LCORL: variants seen among roughly 807,000 people sequenced by gnomAD.
LCORL encodes ligand-dependent nuclear receptor corepressor-like protein.
Under a neutral mutation model 141.8 loss-of-function variants are expected in LCORL, and 41 were observed. The observed-to-expected ratio is 0.29, with a 90% CI of 0.23 to 0.38. The LOEUF (loss-of-function observed/expected upper bound fraction) is 0.38, where lower values mean the gene tolerates loss of function less well. LCORL is among the 10% of genes least tolerant of loss of function. The pLI is 1.00. For synonymous variants in LCORL, 618 were observed against 694.1 expected, an observed-to-expected ratio of 0.89 and a Z score of 1.72; for missense variants, 1,759 against 2,035.0, an observed-to-expected ratio of 0.86 and a Z score of 2.61.
intron 1 of LCORL, among the ~76,000 whole-genome samples, chr4:17,977,872 G>A (rs1358960667): frequency 6.6e-6 from 1 of 152,124 alleles, no homozygotes; most frequent in Non-Finnish European, 1.5e-5. Context: ...AAGTTATAGA[G>A]ATTTAAATTT....
At chr4:17,931,196 CCT>C (rs1491489460) in intron 4 of LCORL, among the ~76,000 whole-genome samples, 2 of 152,006 alleles carry the variant, frequency 1.3e-5, no homozygotes, top group South Asian at 2.1e-4. Flanking sequence ...TCTATTACCC[CCT>C]CTCCTCCTCC....
chr4:17,980,559 T>C (rs1331496271), intron 1 of LCORL, among the ~76,000 whole-genome samples: 1 of 152,258 alleles, frequency 6.6e-6, no homozygotes, highest in East Asian at 1.9e-4. Context: ...TTTTTACCTC[T>C]GATTTTCTAC....
intron 4 of LCORL, among the ~76,000 whole-genome samples, chr4:17,931,911 T>C (rs1456367034): frequency 6.6e-6 from 1 of 152,146 alleles, no homozygotes; most frequent in Non-Finnish European, 1.5e-5. Context: ...ATTCTGTGTA[T>C]TTGTCCTTCT....
At chr4:17,905,177 G>A (rs1731419675) in intron 5 of LCORL, among the ~76,000 whole-genome samples, 2 of 152,056 alleles carry the variant, frequency 1.3e-5, no homozygotes, top group South Asian at 2.1e-4. Context: ...TAAAACTGAT[G>A]ATAGTGTGCA....
rs1733100194 is a variant in LCORL at position 17,914,604 on chromosome 4, T to C, written c.431-5259A>G. On this transcript the variant is annotated intron_variant, in intron 4 of 7. Transcript: ENST00000635767. The stretch of plus-strand genomic sequence containing the variant: ...TGCTTCTCAGCTGCTGACTGGTTAG[T>C]CAGCCTCTTAAATCACTTGCACAAG... Among the ~76,000 whole-genome samples, 3 of 152,304 alleles carry C rather than the reference T, an allele frequency of 2.0e-5. No homozygotes were observed. In the South Asian group the frequency reaches 6.2e-4, roughly 32 times the overall value.
chr4:17,933,785 T>C (rs1736419119), intron 4 of LCORL, among the ~76,000 whole-genome samples: 1 of 152,116 alleles, frequency 6.6e-6, no homozygotes, highest in African/African-American at 2.4e-5. Flanking sequence ...TATACAGAGA[T>C]AATCTGGATG....
At chr4:17,933,183 G>A (rs1193123751) in intron 4 of LCORL, among the ~76,000 whole-genome samples, 1 of 152,046 alleles carries the variant, frequency 6.6e-6, no homozygotes, top group Admixed American at 6.5e-5. Flanking sequence ...GGTATGTAGT[G>A]AGCTATGTAG....
chr4:17,881,924 A>G, intron 6 of LCORL: 1 of 983,624 alleles, frequency 1.0e-6, no homozygotes, highest in Non-Finnish European at 1.2e-6. Flanking sequence ...CTTTAAAAAG[A>G]AAGATGACCC....
At chr4:17,917,763 C>T (rs1425335092) in intron 4 of LCORL, among the ~76,000 whole-genome samples, 2 of 152,134 alleles carry the variant, frequency 1.3e-5, no homozygotes, top group Non-Finnish European at 2.9e-5. Context: ...AGGCGGAATG[C>T]AACTTCATTA....
intron 5 of LCORL, among the ~76,000 whole-genome samples, chr4:17,886,923 A>G (rs1728351071): frequency 6.6e-6 from 1 of 152,202 alleles, no homozygotes; most frequent in East Asian, 1.9e-4. Context: ...CATGAATTTA[A>G]AACCCAGCAA....
At chr4:17,851,832 T>A (rs1723757818) in intron 7 of LCORL, among the ~76,000 whole-genome samples, 1 of 152,176 alleles carries the variant, frequency 6.6e-6, no homozygotes, top group Admixed American at 6.5e-5. Context: ...TAACCAATAA[T>A]GTATAATAAA....
chr4:17,941,998 T>C (rs1738057853), intron 4 of LCORL, among the ~76,000 whole-genome samples: 1 of 152,148 alleles, frequency 6.6e-6, no homozygotes, highest in African/African-American at 2.4e-5. Context: ...CTAGAGGCTA[T>C]TGTGGAGAAT....
intron 5 of LCORL, among the ~76,000 whole-genome samples, chr4:17,904,728 G>C (rs1003331351): frequency 5.3e-5 from 8 of 152,092 alleles, no homozygotes; most frequent in Admixed American, 2.6e-4. Flanking sequence ...TGGGCTTACT[G>C]ATCTGTCCTA....
At chr4:17,988,511 C>A (rs1048280608) in intron 1 of LCORL, among the ~76,000 whole-genome samples, 15 of 152,272 alleles carry the variant, frequency 9.9e-5, no homozygotes, top group African/African-American at 3.4e-4. Context: ...TTTAGACTTT[C>A]CATTCATCTG....
chr4:17,864,134 C>CA (rs571187064), intron 7 of LCORL, among the ~76,000 whole-genome samples: 1 of 151,284 alleles, frequency 6.6e-6, no homozygotes, highest in East Asian at 1.9e-4. Context: ...AAAATAAAGA[C>CA]AAAAAAAAAT....
At chr4:17,888,354 C>T (rs1352757093) in intron 5 of LCORL, among the ~76,000 whole-genome samples, 3 of 152,088 alleles carry the variant, frequency 2.0e-5, no homozygotes, top group Non-Finnish European at 4.4e-5. Context: ...ACCCATCCAG[C>T]TTAATTTTAA....
intron 5 of LCORL, chr4:17,893,299 C>T (rs1729393920): frequency 1.3e-6 from 1 of 795,214 alleles, no homozygotes; most frequent in African/African-American, 1.9e-5. Context: ...GAGTTTAAAA[C>T]CTTAGCTCAA....
intron 1 of LCORL, among the ~76,000 whole-genome samples, chr4:18,005,033 G>A (rs541752833): frequency 3.9e-4 from 59 of 151,774 alleles, no homozygotes; most frequent in African/African-American, 1.1e-3. Context: ...TTCTCCTGCC[G>A]CAGCCTCCCG....
At chr4:17,932,222 G>C (rs1278317920) in intron 4 of LCORL, among the ~76,000 whole-genome samples, 2 of 152,038 alleles carry the variant, frequency 1.3e-5, no homozygotes, top group African/African-American at 2.4e-5. Context: ...AACCATTCTG[G>C]ACATCTGTTT....
Sources: gnomAD v4.1 joint callset for allele counts (sites outside exome capture counted in the v4.1 genomes callset) on GRCh38, gnomAD v4.1.1 for gene constraint, MANE v1.5 for transcripts, NCBI Gene and HGNC (gene_info 2026-07-23, HGNC 2026-07-21) for gene names.